Variants in HRH1 observed in about 807,000 individuals in gnomAD.
HRH1 encodes the protein histamine H1 receptor.
In HRH1, 6 loss-of-function variants were observed where a neutral mutation model predicts 10.3. The observed-to-expected ratio is 0.58, with a 90% CI of 0.32 to 1.15. The LOEUF (loss-of-function observed/expected upper bound fraction) is 1.15, where lower values mean the gene tolerates loss of function less well. Among genes scored for constraint, HRH1 ranks in the 50% most tolerant of loss-of-function variants. The probability of loss-of-function intolerance (pLI) is 0.05; values close to 1 mark genes in which losing one functional copy is unlikely to be tolerated. For synonymous variants in HRH1, 242 were observed against 236.7 expected (o/e 1.02, Z -0.21); for missense variants, 514 against 615.3 (o/e 0.84, Z 1.74).
intron 1 of HRH1, among the ~76,000 whole-genome samples, chr3:11,174,148 C>A (rs1937205280): frequency 6.6e-6 from 1 of 152,224 alleles, no homozygotes; most frequent in African/African-American, 2.4e-5. Flanking sequence ...GTAGAAACCT[C>A]ACAATCAATA....
intron 1 of HRH1, among the ~76,000 whole-genome samples, chr3:11,195,580 T>TC (rs1383145541): frequency 6.6e-6 from 1 of 152,182 alleles, no homozygotes; most frequent in African/African-American, 2.4e-5. Context: ...CTCATGACAG[T>TC]ATTGGATGAA....
chr3:11,150,742 A>G (rs13089418), upstream of HRH1, among the ~76,000 whole-genome samples: 43,499 of 151,922 alleles, frequency 0.29, 8,431 homozygotes, highest in African/African-American at 0.55. Context: ...TCCTCTCCCC[A>G]GGCCTTCCTC....
intron 1 of HRH1, among the ~76,000 whole-genome samples, chr3:11,175,753 C>T (rs1453404379): frequency 2.0e-5 from 3 of 152,212 alleles, no homozygotes; most frequent in Non-Finnish European, 2.9e-5. Context: ...TGGATACACA[C>T]ATATGTCGAA....
chr3:11,232,961 C>G (rs1442327978), intron 1 of HRH1, among the ~76,000 whole-genome samples: 2 of 152,122 alleles, frequency 1.3e-5, no homozygotes, highest in African/African-American at 4.8e-5. Flanking sequence ...TTCTTCTTGT[C>G]TCTATGTTTT....
intron 1 of HRH1, among the ~76,000 whole-genome samples, chr3:11,249,632 C>T (rs1456004111): frequency 6.6e-6 from 1 of 152,058 alleles, no homozygotes; most frequent in East Asian, 1.9e-4. Flanking sequence ...GAGGAGTACT[C>T]CCTTTAGTGA....
chr3:11,215,307 C>T (rs1938451664), intron 1 of HRH1, among the ~76,000 whole-genome samples: 1 of 152,210 alleles, frequency 6.6e-6, no homozygotes, highest in Non-Finnish European at 1.5e-5. Flanking sequence ...TATAATACAA[C>T]TAGAATAAAC....
intron 1 of HRH1, among the ~76,000 whole-genome samples, chr3:11,212,778 C>T (rs1472087442): frequency 6.6e-6 from 1 of 152,164 alleles, no homozygotes; most frequent in Non-Finnish European, 1.5e-5. Flanking sequence ...TTTAGTGGCT[C>T]CCTGTTTCAT....
intron 1 of HRH1, among the ~76,000 whole-genome samples, chr3:11,198,565 A>G (rs1937764579): frequency 6.6e-6 from 1 of 151,988 alleles, no homozygotes; most frequent in African/African-American, 2.4e-5. Flanking sequence ...GAGAGTGAGG[A>G]CTTCCTGTCA....
chr3:11,222,065 C>T (rs1418362389), intron 1 of HRH1, among the ~76,000 whole-genome samples: 1 of 152,156 alleles, frequency 6.6e-6, no homozygotes, highest in Non-Finnish European at 1.5e-5. Flanking sequence ...ATGAGTATAT[C>T]AGTTTCTCTT....
At chr3:11,206,775 T>C (rs564939544) in intron 1 of HRH1, among the ~76,000 whole-genome samples, 5 of 152,330 alleles carry the variant, frequency 3.3e-5, no homozygotes, top group Admixed American at 3.3e-4. Context: ...CTTCTGTAGT[T>C]CCCAGGCACC....
chr3:11,194,683 C>T (rs1486052852), intron 1 of HRH1, among the ~76,000 whole-genome samples: 7 of 152,106 alleles, frequency 4.6e-5, no homozygotes, highest in South Asian at 4.2e-4. Context: ...GACATGGTGG[C>T]GTGCACCTGT....
chr3:11,175,223 C>A (rs1052460646), intron 1 of HRH1, among the ~76,000 whole-genome samples: 5 of 152,146 alleles, frequency 3.3e-5, no homozygotes, highest in African/African-American at 1.2e-4. Flanking sequence ...TGCCATTAAA[C>A]CTTTGAAGTA....
chr3:11,243,885 T>C (rs1939412442), intron 1 of HRH1, among the ~76,000 whole-genome samples: 1 of 152,246 alleles, frequency 6.6e-6, no homozygotes, highest in South Asian at 2.1e-4. Flanking sequence ...AGCTGAATTC[T>C]AGGGTTTTTA....
chr3:11,219,377 G>T (rs918601081), intron 1 of HRH1, among the ~76,000 whole-genome samples: 3 of 152,076 alleles, frequency 2.0e-5, no homozygotes, highest in Non-Finnish European at 4.4e-5. Flanking sequence ...CATGTAAAAT[G>T]GTTAAAGTGG....
At chr3:11,206,168 G>A (rs1056580566) in intron 1 of HRH1, among the ~76,000 whole-genome samples, 4 of 152,150 alleles carry the variant, frequency 2.6e-5, no homozygotes, top group African/African-American at 7.2e-5. Flanking sequence ...AGGCTGGAGT[G>A]CAATGGTGCA....
Position 11,259,560 on chromosome 3 carries a change from C to T in HRH1, c.523C>T (p.Arg175Cys), listed in dbSNP as rs201947424. Residue 175 changes from arginine to cysteine, a missense_variant, in exon 2 of 2, where the codon CGC (arginine) becomes TGC (cysteine). Coordinates refer to ENST00000431010, the MANE Select transcript of HRH1 (RefSeq NM_001098212.2). This position sits in a 1 kb window ranked among gnomAD's most constrained non-coding sequence, Gnocchi z 4.6. Reference sequence around the variant, plus strand: ...TCACTTCATGCAGCAGACCTCGGTGCGCCGAGAGGACAAGTGTGAGACAGA... The same window carrying T: ...TCACTTCATGCAGCAGACCTCGGTGTGCCGAGAGGACAAGTGTGAGACAGA... ...WNHFMQQTSV[R>C]REDKCETDFY... 2.1e-5 allele frequency: 34 copies of T among 1,613,956 alleles called. No homozygotes were observed. The highest frequency in any genetic ancestry group is 2.2e-5 in the South Asian group (2 of 91,062).
intron 1 of HRH1, among the ~76,000 whole-genome samples, chr3:11,199,550 C>T (rs751917927): frequency 7.2e-5 from 11 of 152,210 alleles, no homozygotes; most frequent in Non-Finnish European, 1.5e-4. Context: ...AGTGCTCTCA[C>T]AGTCCCCACT....
intron 1 of HRH1, chr3:11,234,534 T>C: frequency 7.1e-7 from 1 of 1,410,222 alleles, no homozygotes; most frequent in Non-Finnish European, 1.0e-6. Flanking sequence ...CGGTTCCAGT[T>C]AATGTCTTCA....
chr3:11,219,950 GT>G (rs552227637), intron 1 of HRH1, among the ~76,000 whole-genome samples: 1,437 of 110,356 alleles, frequency 0.013, 13 homozygotes, highest in African/African-American at 0.039. Flanking sequence ...TTAATGTGTT[GT>G]TTTTTTTTTT....
Sources: allele counts gnomAD v4.1 joint callset (sites outside exome capture counted in the v4.1 genomes callset), GRCh38; gene constraint gnomAD v4.1.1; non-coding constraint Gnocchi (gnomAD v3.1); transcripts MANE v1.5; gene names NCBI Gene and HGNC (gene_info 2026-07-23, HGNC 2026-07-21).